The following IL7 variants were observed in gnomAD, a reference collection of about 807,000 sequenced individuals.
IL7 encodes interleukin-7.
A neutral mutation model predicts 21.6 loss-of-function variants in IL7; 3 were observed. The observed-to-expected ratio is 0.14, with a 90% CI of 0.06 to 0.36. The LOEUF (loss-of-function observed/expected upper bound fraction) is 0.36, where lower values mean the gene tolerates loss of function less well. Among genes scored for constraint, IL7 ranks in the 10% least tolerant of loss-of-function variants. The pLI is 1.00. For missense variants in IL7, 175 were observed against 200.2 expected, an observed-to-expected ratio of 0.87 and a Z score of 0.76; for synonymous variants, 62 against 68.1, an observed-to-expected ratio of 0.91 and a Z score of 0.44.
chr8:78,684,428 G>A (rs939275193), intron 4 of IL7, among the ~76,000 whole-genome samples: 17 of 152,098 alleles, frequency 1.1e-4, no homozygotes, highest in African/African-American at 3.6e-4. Context: ...TCATGAGGAC[G>A]GCATGGGAGA....
chr8:78,775,054 A>G (rs946170775), intron 2 of IL7, among the ~76,000 whole-genome samples: 3 of 152,166 alleles, frequency 2.0e-5, no homozygotes, highest in Non-Finnish European at 2.9e-5. Context: ...TGTATGCATT[A>G]CATTTATTTT....
At chr8:78,755,820 T>C (rs139834560) in intron 2 of IL7, among the ~76,000 whole-genome samples, 2,807 of 152,202 alleles carry the variant, frequency 0.018, 40 homozygotes, top group Middle Eastern at 0.068. Context: ...ACATCTTTTA[T>C]TTCTTTCTCT....
chr8:78,682,911 A>G (rs992332450), intron 4 of IL7, among the ~76,000 whole-genome samples: 10 of 152,188 alleles, frequency 6.6e-5, no homozygotes, highest in Middle Eastern at 3.2e-3. Context: ...GCCAAAACAA[A>G]GGGGCCACAG....
intron 2 of IL7, among the ~76,000 whole-genome samples, chr8:78,785,758 C>A (rs936516865): frequency 1.3e-5 from 2 of 152,060 alleles, no homozygotes; most frequent in Non-Finnish European, 2.9e-5. Context: ...TAAAGTGGAC[C>A]ACTCTGTGCT....
At chr8:78,796,552 T>A (rs370014929) in intron 2 of IL7, among the ~76,000 whole-genome samples, 1 of 151,966 alleles carries the variant, frequency 6.6e-6, no homozygotes, top group African/African-American at 2.4e-5. Context: ...TAGTGCATGA[T>A]AATGGCTAAG....
intron 4 of IL7, among the ~76,000 whole-genome samples, chr8:78,680,249 C>T (rs80043811): frequency 0.023 from 3,108 of 137,838 alleles, 116 homozygotes; most frequent in African/African-American, 0.072. Flanking sequence ...AAGTACAGTC[C>T]GCAGTCCGGC....
At chr8:78,732,195 A>C (rs1811437680), downstream of IL7, among the ~76,000 whole-genome samples, 1 of 152,112 alleles carries the variant, frequency 6.6e-6, no homozygotes. Context: ...GCTTCTAAAA[A>C]ATGTTAATCA....
At chr8:78,742,957 A>T (rs1811844541) in intron 2 of IL7, among the ~76,000 whole-genome samples, 1 of 152,128 alleles carries the variant, frequency 6.6e-6, no homozygotes, top group South Asian at 2.1e-4. Flanking sequence ...TTTAGCTGCC[A>T]CTTATAAGTG....
chr8:78,696,017 T>A (rs183492049), intron 3 of IL7, among the ~76,000 whole-genome samples: 1 of 152,198 alleles, frequency 6.6e-6, no homozygotes, highest in South Asian at 2.1e-4. Context: ...TTTTTGAAAA[T>A]GATAATTTAA....
rs1230746370 is a variant in IL7, at chr8:78,685,846, C to T, written n.273+43G>A. The T allele has an allele frequency of 3.9e-5, 6 of 152,220 alleles. No individual in the cohort carries two copies. In the East Asian group the frequency reaches 1.2e-3, roughly 29 times the overall value. The allele number at this position is 152,220 out of a possible 1,614,324, so 9.4% of individuals were successfully genotyped here. A position where few individuals can be genotyped will look rare whatever the true frequency, so the allele number is the denominator to read the frequency against. ...CTTTTCTGCTGCTGTAATAGAGTACCACAAACTGGATAATTTATAAAGAAA... is the reference window on the plus strand; with the variant it reads ...CTTTTCTGCTGCTGTAATAGAGTACTACAAACTGGATAATTTATAAAGAAA... On this transcript the variant is annotated intron_variant and non_coding_transcript_variant, in intron 4 of 4. Transcript: ENST00000523959.
At chr8:78,714,375 GTTAAC>G (rs563713214), downstream of IL7, among the ~76,000 whole-genome samples, 514 of 152,240 alleles carry the variant, frequency 3.4e-3, 2 homozygotes, top group Admixed American at 8.2e-3. Flanking sequence ...TTATATAAAT[GTTAAC>G]TTATAGTGGC....
At chr8:78,791,883 C>A (rs1172534747) in intron 2 of IL7, among the ~76,000 whole-genome samples, 1 of 151,860 alleles carries the variant, frequency 6.6e-6, no homozygotes, top group African/African-American at 2.4e-5. Flanking sequence ...TATGACATCA[C>A]CAGAGAGATT....
chr8:78,703,644 C>T (rs1810678952), intron 3 of IL7, among the ~76,000 whole-genome samples: 1 of 151,184 alleles, frequency 6.6e-6, no homozygotes, highest in Non-Finnish European at 1.5e-5. Flanking sequence ...AAATTTTTCT[C>T]CATCCCTTTA....
At chr8:78,778,283 T>C (rs1813200523) in intron 2 of IL7, among the ~76,000 whole-genome samples, 1 of 152,058 alleles carries the variant, frequency 6.6e-6, no homozygotes, top group Admixed American at 6.6e-5. Flanking sequence ...ACTCAAATAG[T>C]CCTCTCTGAT....
intron 2 of IL7, among the ~76,000 whole-genome samples, chr8:78,778,730 C>A (rs1010718408): frequency 2.0e-5 from 3 of 152,034 alleles, no homozygotes; most frequent in African/African-American, 4.8e-5. Context: ...AATACTGGCT[C>A]TTTTCTGGGT....
intron 3 of IL7, among the ~76,000 whole-genome samples, chr8:78,738,966 A>T (rs932396406): frequency 6.6e-6 from 1 of 152,202 alleles, no homozygotes; most frequent in African/African-American, 2.4e-5. Flanking sequence ...GAAGGAGAAG[A>T]CTTCTGGAAG....
downstream of IL7, among the ~76,000 whole-genome samples, chr8:78,714,812 C>A (rs768973462): frequency 1.3e-5 from 2 of 151,708 alleles, no homozygotes; most frequent in Non-Finnish European, 3.0e-5. Context: ...CAAAAAAATT[C>A]TTTTTTTAAC....
intron 2 of IL7, chr8:78,761,657 G>A: frequency 6.2e-7 from 1 of 1,612,018 alleles, no homozygotes; most frequent in African/African-American, 1.3e-5. Context: ...AAAGACGTGT[G>A]AGTCTCTCAC....
intron 2 of IL7, among the ~76,000 whole-genome samples, chr8:78,748,503 C>T (rs985927787): frequency 2.0e-5 from 3 of 152,132 alleles, no homozygotes; most frequent in African/African-American, 7.2e-5. Flanking sequence ...TCAGATGCTC[C>T]TTAACTTACA....
Sources: allele counts gnomAD v4.1 joint callset (sites outside exome capture counted in the v4.1 genomes callset), GRCh38; gene constraint gnomAD v4.1.1; transcripts MANE v1.5; gene names NCBI Gene and HGNC (gene_info 2026-07-23, HGNC 2026-07-21).